WDFY2: variants seen among roughly 807,000 people sequenced by gnomAD.
WDFY2 encodes the protein WD repeat and FYVE domain containing 2, also known as WD repeat and FYVE domain-containing protein 2.
In WDFY2, 36 loss-of-function variants were observed where a neutral mutation model predicts 56.4. The observed-to-expected ratio is 0.64, with a 90% confidence interval of 0.49 to 0.84. The LOEUF is 0.84. WDFY2 is among the 40% of genes least tolerant of loss of function. The pLI, the probability that WDFY2 is intolerant of heterozygous loss-of-function variation, is 0.00. For missense variants in WDFY2, 444 were observed against 512.2 expected (o/e 0.87, Z 1.29); for synonymous variants, 176 against 183.7 (o/e 0.96, Z 0.34).
In WDFY2 at chr13:51,584,603, A is replaced by T; in HGVS notation, c.-85A>T. ...TCCGGCCAGCCAGAGTCTCTGTCTCAACCTGTGTCCGTGCTCCAGCAGTCT... is the reference window on the plus strand; with the variant it reads ...TCCGGCCAGCCAGAGTCTCTGTCTCTACCTGTGTCCGTGCTCCAGCAGTCT... On this transcript the variant is annotated 5_prime_UTR_variant, in exon 1 of 12. Transcript: ENST00000298125. The T allele has an allele frequency of 6.7e-7, 1 of 1,497,162 alleles. No individual in the cohort carries two copies. Among genetic ancestry groups the T allele is most frequent in the East Asian group, 2.4e-5 (1 of 41,888 alleles). 92.7% of individuals were successfully genotyped at this position (1,497,162 alleles called of 1,614,324 possible). A position where few individuals can be genotyped will look rare whatever the true frequency, so the allele number is the denominator to read the frequency against.
chr13:51,675,287 C>G, intron 3 of WDFY2, 44 bp downstream of exon 3: 1 of 1,521,618 alleles, frequency 6.6e-7, no homozygotes, highest in Non-Finnish European at 9.1e-7. Flanking sequence ...TACTTCCCTT[C>G]CTGTGGAGTA....
intron 2 of WDFY2, 34 bp from the exon 3 acceptor site, chr13:51,675,136 T>C (rs1201499235): frequency 6.2e-7 from 1 of 1,600,674 alleles, no homozygotes; most frequent in East Asian, 2.2e-5. Flanking sequence ...AATCATGGTT[T>C]TGTTAATTTC....
At chr13:51,638,039 ACT>A (rs1955085684) in intron 1 of WDFY2, among the ~76,000 whole-genome samples, 1 of 152,146 alleles carries the variant, frequency 6.6e-6, no homozygotes, top group African/African-American at 2.4e-5. Context: ...AGATGGAGTC[ACT>A]CTGGTTTGAA....
intron 4 of WDFY2, among the ~76,000 whole-genome samples, chr13:51,705,428 T>C (rs973078088): frequency 3.3e-5 from 5 of 152,232 alleles, no homozygotes; most frequent in African/African-American, 4.8e-5. Context: ...TACATCCATG[T>C]AATCTGATAA....
chr13:51,701,431 G>C (rs916808778), intron 3 of WDFY2, among the ~76,000 whole-genome samples: 7 of 147,452 alleles, frequency 4.7e-5, no homozygotes, highest in Non-Finnish European at 7.4e-5. Context: ...TGAGGCAGGA[G>C]AATCACTTGA....
chr13:51,732,047 G>A (rs969377713), intron 6 of WDFY2, among the ~76,000 whole-genome samples: 3 of 152,130 alleles, frequency 2.0e-5, no homozygotes, highest in Non-Finnish European at 2.9e-5. Flanking sequence ...GCTAAATGCC[G>A]GATATCATAG....
chr13:51,694,036 A>G (rs1288727187), intron 3 of WDFY2, among the ~76,000 whole-genome samples: 13 of 151,462 alleles, frequency 8.6e-5, no homozygotes, highest in East Asian at 5.8e-4. Context: ...CATTTGCTTG[A>G]TAGATCTTCC....
At chr13:51,748,318 C>T (rs1953150992) in intron 7 of WDFY2, among the ~76,000 whole-genome samples, 1 of 152,222 alleles carries the variant, frequency 6.6e-6, no homozygotes, top group South Asian at 2.1e-4. Context: ...AAAGCTGCTG[C>T]TTTCCTTTGT....
chr13:51,644,354 C>T (rs939149826), intron 1 of WDFY2, among the ~76,000 whole-genome samples: 1 of 152,170 alleles, frequency 6.6e-6, no homozygotes, highest in Non-Finnish European at 1.5e-5. Context: ...ACAACCATTT[C>T]CAGGTATATT....
chr13:51,658,934 T>G (rs1363286375), intron 1 of WDFY2, among the ~76,000 whole-genome samples: 2 of 152,108 alleles, frequency 1.3e-5, no homozygotes, highest in Admixed American at 6.6e-5. Context: ...TTAAATTAAT[T>G]TACTGTTTTT....
intron 4 of WDFY2, among the ~76,000 whole-genome samples, chr13:51,705,372 G>A (rs981683616): frequency 1.3e-5 from 2 of 152,136 alleles, no homozygotes; most frequent in Non-Finnish European, 2.9e-5. Context: ...ACTGTTTTAA[G>A]GCACTAAGTT....
intron 2 of WDFY2, among the ~76,000 whole-genome samples, chr13:51,670,360 A>G (rs1011319846): frequency 2.0e-5 from 3 of 152,170 alleles, no homozygotes; most frequent in Non-Finnish European, 2.9e-5. Context: ...CGAGGCATCA[A>G]TATTCTTTTG....
chr13:51,601,404 A>C (rs1204685547), intron 1 of WDFY2, among the ~76,000 whole-genome samples: 2 of 151,374 alleles, frequency 1.3e-5, no homozygotes, highest in Non-Finnish European at 2.9e-5. Flanking sequence ...TGATTGTATG[A>C]AGTTAGTAGT....
intron 1 of WDFY2, among the ~76,000 whole-genome samples, chr13:51,608,075 A>G (rs1350302288): frequency 1.3e-5 from 2 of 152,186 alleles, no homozygotes; most frequent in South Asian, 4.1e-4. Flanking sequence ...CTCCAGAGGA[A>G]CCAGCCCTGT....
In WDFY2 at chr13:51,751,294, T is replaced by G. The variant is rs757638618; in HGVS notation, c.726-16T>G. The G allele has an allele frequency of 1.9e-6, 3 of 1,610,428 alleles. No homozygotes were observed. The highest frequency in any genetic ancestry group is 2.5e-6 in the Non-Finnish European group (3 of 1,178,480). ...TGTTCTCCTAAACTGTCAATAACCC[T>G]TGGTTTCTTTCACAGCGACAGAGTC... On this transcript the variant is annotated splice_polypyrimidine_tract_variant and intron_variant, in intron 7 of 11. Coordinates refer to ENST00000298125, the MANE Select transcript of WDFY2 (RefSeq NM_052950.4).
chr13:51,692,405 G>T lies in WDFY2; in HGVS notation c.280-11191G>T, dbSNP rs923763533. 8.3e-3 allele frequency among the ~76,000 whole-genome samples: 1,258 copies of T among 152,198 alleles called. 9 individuals carry two copies. Among genetic ancestry groups the T allele is most frequent in the South Asian group, 0.022 (104 of 4,814 alleles). ...TTTACTGAGAGTTTTTAGCATGAAG[G>T]GCTGTTGAATTTTGTCAAAGGCCTT... On this transcript the variant is annotated intron_variant, in intron 3 of 11. Coordinates refer to ENST00000298125, the MANE Select transcript of WDFY2 (RefSeq NM_052950.4).
chr13:51,690,708 C>T (rs1277373464), intron 3 of WDFY2, among the ~76,000 whole-genome samples: 1 of 152,112 alleles, frequency 6.6e-6, no homozygotes, highest in Non-Finnish European at 1.5e-5. Flanking sequence ...TGGGTATATA[C>T]TCAGTAATGG....
chr13:51,755,287 C>A, intron 8 of WDFY2, 71 bp from the exon 9 acceptor site: 1 of 1,401,368 alleles, frequency 7.1e-7, no homozygotes, highest in South Asian at 1.2e-5. Context: ...CCATAAGTTT[C>A]ATCAGGGTCA....
At chr13:51,594,834 G>A (rs1045471851) in intron 1 of WDFY2, among the ~76,000 whole-genome samples, 1 of 152,228 alleles carries the variant, frequency 6.6e-6, no homozygotes, top group Non-Finnish European at 1.5e-5. Flanking sequence ...AGCACTTGGA[G>A]CATAGTTGGT....
Sources: allele counts gnomAD v4.1 joint callset (sites outside exome capture counted in the v4.1 genomes callset), GRCh38; gene constraint gnomAD v4.1.1; transcripts MANE v1.5; gene names NCBI Gene and HGNC (gene_info 2026-07-23, HGNC 2026-07-21).